ARHGEF10: variants seen among roughly 807,000 people sequenced by gnomAD.
The protein encoded by ARHGEF10 is Rho guanine nucleotide exchange factor (GEF) 10.
Under a neutral mutation model 147.4 loss-of-function variants are expected in ARHGEF10, and 140 were observed. The observed-to-expected ratio is 0.95, with a 90% CI of 0.83 to 1.09. ARHGEF10 has a LOEUF of 1.09. ARHGEF10 is among the 50% of genes least tolerant of loss of function. ARHGEF10 has a pLI of 0.00. For synonymous variants in ARHGEF10, 902 were observed against 695.8 expected, an observed-to-expected ratio of 1.30 and a Z score of -4.67; for missense variants, 2,222 against 1,752.7, an observed-to-expected ratio of 1.27 and a Z score of -4.78.
At chr8:1,879,910 G>T (rs549784870) in intron 8 of ARHGEF10, 138 bp from the exon 9 acceptor site, 9 of 755,708 alleles carry the variant, frequency 1.2e-5, no homozygotes, top group African/African-American at 6.9e-5. Context: ...GGACTCTCGC[G>T]TGTGGTCCCA....
chr8:1,839,829 G>A (rs1305178184), intron 1 of ARHGEF10, among the ~76,000 whole-genome samples: 2 of 147,800 alleles, frequency 1.4e-5, no homozygotes, highest in East Asian at 4.1e-4. Flanking sequence ...TGTCTGGTGT[G>A]GGGACTGTCT....
chr8:1,889,357 C>T lies in ARHGEF10; in HGVS notation c.1182+3650C>T, dbSNP rs1200174732. Among the ~76,000 whole-genome samples, 4 of 100,014 alleles carry T rather than the reference C, an allele frequency of 4.0e-5. 1 individual carries two copies. Among genetic ancestry groups the T allele is most frequent in the Admixed American group, 2.0e-4 (2 of 10,194 alleles). 65.6% of individuals were successfully genotyped at this position (100,014 alleles called of 152,430 possible). A position where few individuals can be genotyped will look rare whatever the true frequency, so the allele number is the denominator to read the frequency against. ...AGTGGGTAAGAGTTGTGAGGAGACA[C>T]TGAGTGGGGTGAGGGGTATGTGAGG... On this transcript the variant is annotated intron_variant, in intron 11 of 28. Transcript: ENST00000349830.
In ARHGEF10 at chr8:1,909,326, C is replaced by T; in HGVS notation, c.1999C>T (p.Gln667Ter). Residue 667 changes from glutamine to a stop codon, truncating the protein, a stop_gained, in exon 18 of 29, where the codon CAG becomes TAG. Coordinates refer to ENST00000349830, the MANE Select transcript of ARHGEF10 (RefSeq NM_014629.4). LOFTEE classifies it high-confidence loss of function. ...TCATGACAGCCGTGTGATGAGCAGC[C>T]AGAGGTACTTGCTGAAGTGGAGCGT... is the stretch of plus-strand genomic sequence containing the variant. The part of the protein sequence containing the change: ...PSHDSRVMSS[Q>*]RYLLKWSVPL... The T allele has an allele frequency of 6.2e-7, 1 of 1,614,212 alleles. No individual in the cohort carries two copies. Among genetic ancestry groups the T allele is most frequent in the South Asian group, 1.1e-5 (1 of 91,090 alleles).
intron 16 of ARHGEF10, 196 bp downstream of exon 16, chr8:1,903,647 G>T: frequency 1.5e-6 from 1 of 654,146 alleles, no homozygotes; most frequent in Non-Finnish European, 2.6e-6. Flanking sequence ...TTAACAGCCT[G>T]TCTTAACAGC....
At chr8:1,918,624 T>C (rs757104100) in intron 18 of ARHGEF10, among the ~76,000 whole-genome samples, 16 of 152,232 alleles carry the variant, frequency 1.1e-4, no homozygotes, top group Non-Finnish European at 1.6e-4. Flanking sequence ...AAGTAGCTTA[T>C]GCCTTCCTTC....
rs987084601 is a variant in ARHGEF10 at position 1,948,164 on chromosome 8, A to C, written c.3397+2509A>C. 2.6e-5 allele frequency among the ~76,000 whole-genome samples: 4 copies of C among 152,166 alleles called. No homozygotes were observed. On this transcript the variant is annotated intron_variant, in intron 27 of 28. Transcript: ENST00000349830. This position sits in a 1 kb window ranked among gnomAD's most constrained non-coding sequence, Gnocchi z 4.9. ...AAGCCTCTCACTTGGCAGCAGATGC[A>C]TGGGGCTCTGCAGAGCCACCATCCC...
rs576659997 is a variant in ARHGEF10, at chr8:1,857,801, C to T, written c.38-159C>T. Among the ~76,000 whole-genome samples the T allele has an allele frequency of 2.0e-4, 30 of 152,098 alleles. 2 individuals are homozygous for T. The highest frequency in any genetic ancestry group is 6.8e-3 in the Middle Eastern group (2 of 294). On this transcript the variant is annotated intron_variant, in intron 2 of 28. Transcript: ENST00000349830. ...CAGAATTCTAATGATACTTATTTTG[C>T]CCCTTAAAAAGGTTAACTACAAGCG...
chr8:1,893,572 G>C lies in ARHGEF10; in HGVS notation c.1186G>C (p.Val396Leu). 2 of 1,612,380 alleles carry C rather than the reference G, an allele frequency of 1.2e-6. No individual in the cohort carries two copies. The highest frequency in any genetic ancestry group is 1.7e-6 in the Non-Finnish European group (2 of 1,178,530). The change falls in exon 12 of 29, where the codon GTA becomes CTA. Residue 396 changes from valine to leucine, a missense_variant. Transcript: ENST00000349830. ...MPEGLSQQQV[V>L]RRYILGSVVD... ...TGTACTTCCAAATTTCCAACAGGTT[G>C]TAAGAAGATATATACTGGGTTCAGT... is the stretch of plus-strand genomic sequence containing the variant.
At chr8:1,887,641 A>G (rs1480134605) in intron 11 of ARHGEF10, among the ~76,000 whole-genome samples, 3 of 122,564 alleles carry the variant, frequency 2.4e-5, no homozygotes, top group Admixed American at 1.5e-4. Flanking sequence ...ACTGTGAGTG[A>G]GCTGAGAGTC....
intron 1 of ARHGEF10, among the ~76,000 whole-genome samples, chr8:1,835,851 C>T (rs1803547544): frequency 1.3e-5 from 2 of 152,196 alleles, no homozygotes; most frequent in Admixed American, 1.3e-4. Flanking sequence ...TGTCTCTGGG[C>T]TCCCTCTCTG....
In ARHGEF10 at chr8:1,885,597, T is replaced by A; in HGVS notation, c.1076-4T>A. ...AATTCATGCATTTTGACTTTTTTTTTAAGATCACAGATCTTCTCTTGAGGA... is the reference window on the plus strand; with the variant it reads ...AATTCATGCATTTTGACTTTTTTTTAAAGATCACAGATCTTCTCTTGAGGA... On this transcript the variant is annotated splice_region_variant and splice_polypyrimidine_tract_variant and intron_variant, in intron 10 of 28. Transcript: ENST00000349830. The A allele has an allele frequency of 1.2e-6, 2 of 1,602,700 alleles. No homozygotes were observed. The highest frequency in any genetic ancestry group is 1.7e-4 in the Middle Eastern group (1 of 6,042).
At chr8:1,886,543 C>G (rs780333312) in intron 11 of ARHGEF10, among the ~76,000 whole-genome samples, 6 of 152,208 alleles carry the variant, frequency 3.9e-5, no homozygotes, top group Non-Finnish European at 8.8e-5. Flanking sequence ...AAATAGGAAG[C>G]TTACATTTCA....
chr8:1,919,078 C>T (rs1326042430), intron 18 of ARHGEF10, among the ~76,000 whole-genome samples: 4 of 133,634 alleles, frequency 3.0e-5, no homozygotes, highest in African/African-American at 5.8e-5. Context: ...AGAGCTGTTC[C>T]AGGGGTGATG....
intron 23 of ARHGEF10, chr8:1,926,743 T>A (rs1812723421): frequency 2.1e-6 from 1 of 465,764 alleles, no homozygotes; most frequent in South Asian, 2.4e-5. Flanking sequence ...AAGAGAATAA[T>A]TTTAATATGT....
intron 17 of ARHGEF10, among the ~76,000 whole-genome samples, chr8:1,907,018 C>T (rs1289423783): frequency 2.0e-5 from 3 of 152,228 alleles, no homozygotes; most frequent in African/African-American, 7.2e-5. Flanking sequence ...CCGCAGGCCA[C>T]CTGCCTTCTG....
intron 2 of ARHGEF10, among the ~76,000 whole-genome samples, chr8:1,844,447 G>T (rs1351457453): frequency 6.6e-6 from 1 of 152,202 alleles, no homozygotes; most frequent in Non-Finnish European, 1.5e-5. Flanking sequence ...GGACGACAGA[G>T]ACGGGAGAAT....
chr8:1,893,313 T>C (rs1229536064), intron 11 of ARHGEF10, among the ~76,000 whole-genome samples: 1 of 152,192 alleles, frequency 6.6e-6, no homozygotes, highest in Non-Finnish European at 1.5e-5. Context: ...AATGAAGGAA[T>C]TTCTTTTCAG....
At chr8:1,953,763 C>T (rs190832410) in intron 28 of ARHGEF10, among the ~76,000 whole-genome samples, 12 of 152,278 alleles carry the variant, frequency 7.9e-5, no homozygotes, top group Admixed American at 1.3e-4. Flanking sequence ...CCTGCAGTGA[C>T]GCGGAAAACT....
At chr8:1,868,762 T>A (rs1040487285) in intron 6 of ARHGEF10, among the ~76,000 whole-genome samples, 3 of 152,226 alleles carry the variant, frequency 2.0e-5, no homozygotes, top group Admixed American at 2.0e-4. Context: ...TGGAAGTCTG[T>A]GTGCCACCGT....
Sources: allele counts gnomAD v4.1 joint callset (sites outside exome capture counted in the v4.1 genomes callset), GRCh38; gene constraint gnomAD v4.1.1; non-coding constraint Gnocchi (gnomAD v3.1); transcripts MANE v1.5; gene names NCBI Gene and HGNC (gene_info 2026-07-23, HGNC 2026-07-21).